Variants in PPM1D observed in about 807,000 individuals in gnomAD.
PPM1D encodes the protein protein phosphatase 1D.
Under a neutral mutation model 58.3 loss-of-function variants are expected in PPM1D, and 52 were observed. That is an observed-to-expected ratio of 0.89 (90% confidence interval 0.71 to 1.12). PPM1D has a LOEUF of 1.12. Among genes scored for constraint, PPM1D ranks in the 50% most tolerant of loss-of-function variants. The pLI is 0.00. For synonymous variants in PPM1D, 278 were observed against 285.1 expected, an observed-to-expected ratio of 0.98 and a Z score of 0.25; for missense variants, 564 against 777.2, an observed-to-expected ratio of 0.73 and a Z score of 3.26.
At chr17:60,613,912 G>A (rs1275691490) in intron 1 of PPM1D, among the ~76,000 whole-genome samples, 4 of 61,324 alleles carry the variant, frequency 6.5e-5, no homozygotes, top group South Asian at 5.7e-4. Context: ...CCACCCCCCC[G>A]CCTCACACAG....
chr17:60,652,064 T>C (rs2031353258), intron 4 of PPM1D, among the ~76,000 whole-genome samples: 2 of 152,210 alleles, frequency 1.3e-5, no homozygotes, highest in Admixed American at 6.5e-5. Flanking sequence ...ATATGACATT[T>C]ACTATTTGTA....
In PPM1D at chr17:60,643,151, G is replaced by C. The variant is rs143174410; in HGVS notation, c.827-4741G>C. Among the ~76,000 whole-genome samples the C allele has an allele frequency of 1.0e-2, 1,515 of 152,186 alleles. 16 individuals carry two copies. The highest frequency in any genetic ancestry group is 0.032 in the African/African-American group (1,337 of 41,506). On this transcript the variant is annotated intron_variant, in intron 3 of 5. Transcript: ENST00000305921. ...TCCTAGCACTTTGGGAGGCCGAGGTGGGTGGATCGCTTGAGCTCAGGAGTT... is the reference window on the plus strand; with the variant it reads ...TCCTAGCACTTTGGGAGGCCGAGGTCGGTGGATCGCTTGAGCTCAGGAGTT...
intron 1 of PPM1D, among the ~76,000 whole-genome samples, chr17:60,609,220 A>G (rs980851223): frequency 6.6e-6 from 1 of 151,584 alleles, no homozygotes; most frequent in Non-Finnish European, 1.5e-5. Flanking sequence ...CAGCCTCCCC[A>G]GTAGCTGGAA....
At chr17:60,634,913 TG>T (rs2030994729) in intron 3 of PPM1D, among the ~76,000 whole-genome samples, 2 of 152,134 alleles carry the variant, frequency 1.3e-5, no homozygotes, top group South Asian at 4.1e-4. Flanking sequence ...CCCGAGTAAC[TG>T]GGACTACAGG....
intron 3 of PPM1D, among the ~76,000 whole-genome samples, chr17:60,638,668 C>T (rs1209997030): frequency 1.3e-5 from 2 of 152,080 alleles, no homozygotes; most frequent in Non-Finnish European, 2.9e-5. Context: ...CGCGACCGAC[C>T]GGCCTGGAAA....
rs535361227 is a variant in PPM1D, at chr17:60,661,645, T to C, written c.1261-1350T>C. ...GTGCCTTGGATAATTCTCATTTGTT[T>C]TCATCAATTGGGAATTTCCCTAACC... On this transcript the variant is annotated intron_variant, in intron 5 of 5. Coordinates refer to ENST00000305921, the MANE Select transcript of PPM1D (RefSeq NM_003620.4). Among the ~76,000 whole-genome samples the C allele has an allele frequency of 1.3e-3, 200 of 152,276 alleles. 1 individual carries two copies. The highest frequency in any genetic ancestry group is 4.7e-3 in the African/African-American group (194 of 41,554).
At chr17:60,613,890 G>GCCCCCCCCCCCCCCCCCC (rs61669650) in intron 1 of PPM1D, among the ~76,000 whole-genome samples, 1 of 137,368 alleles carries the variant, frequency 7.3e-6, no homozygotes, top group African/African-American at 2.9e-5. Flanking sequence ...CATACCTGAG[G>GCCCCCCCCCCCCCCCCCC]CCCCCCCCCC....
At chr17:60,638,982 G>A (rs1261987452) in intron 3 of PPM1D, among the ~76,000 whole-genome samples, 5 of 152,068 alleles carry the variant, frequency 3.3e-5, no homozygotes, top group African/African-American at 1.2e-4. Flanking sequence ...TATTCACTGG[G>A]GAGATAATTT....
chr17:60,646,266 C>G (rs1320693196), intron 3 of PPM1D, among the ~76,000 whole-genome samples: 2 of 152,132 alleles, frequency 1.3e-5, no homozygotes, highest in East Asian at 1.9e-4. Context: ...TTTGAAGAGT[C>G]TGGTTAGCAA....
intron 4 of PPM1D, among the ~76,000 whole-genome samples, chr17:60,653,204 A>T (rs761797372): frequency 2.0e-5 from 3 of 152,208 alleles, no homozygotes; most frequent in Non-Finnish European, 4.4e-5. Flanking sequence ...CTTAGATTTA[A>T]GTCATTAATC....
chr17:60,611,910 T>C (rs939130183), intron 1 of PPM1D, among the ~76,000 whole-genome samples: 13 of 152,112 alleles, frequency 8.5e-5, no homozygotes, highest in African/African-American at 3.1e-4. Flanking sequence ...TTCTAAGAGG[T>C]ATACAGCTCT....
intron 3 of PPM1D, among the ~76,000 whole-genome samples, chr17:60,638,256 CTT>C (rs1317134569): frequency 1.3e-5 from 2 of 152,232 alleles, no homozygotes; most frequent in Middle Eastern, 3.4e-3. Context: ...CTTGATTTCT[CTT>C]GTCACATAAA....
At chr17:60,634,279 A>G (rs1356627612) in intron 3 of PPM1D, among the ~76,000 whole-genome samples, 1 of 152,070 alleles carries the variant, frequency 6.6e-6, no homozygotes, top group Non-Finnish European at 1.5e-5. Context: ...GGGCATAGTG[A>G]TGTGTAGCTG....
At chr17:60,644,133 C>T (rs2031192067) in intron 3 of PPM1D, among the ~76,000 whole-genome samples, 1 of 151,946 alleles carries the variant, frequency 6.6e-6, no homozygotes, top group Non-Finnish European at 1.5e-5. Context: ...CCTGCCTCGG[C>T]CTCCCAAAGT....
Position 60,600,228 on chromosome 17 carries a change from C to A in PPM1D, c.-187C>A. On this transcript the variant is annotated 5_prime_UTR_variant, in exon 1 of 6. Coordinates refer to ENST00000305921, the MANE Select transcript of PPM1D (RefSeq NM_003620.4). Reference sequence around the variant, plus strand: ...CGCAACTGCCTGGCTCTGCTCGCTCCGGCGCTCCGGCCCAGCTCTCGCGGA... The same window carrying A: ...CGCAACTGCCTGGCTCTGCTCGCTCAGGCGCTCCGGCCCAGCTCTCGCGGA... 1 of 1,210,322 alleles carries A rather than the reference C, an allele frequency of 8.3e-7. No individual in the cohort carries two copies. Among genetic ancestry groups the A allele is most frequent in the South Asian group, 1.6e-5 (1 of 62,634 alleles). 75.0% of individuals were successfully genotyped at this position (1,210,322 alleles called of 1,614,324 possible). A position where few individuals can be genotyped will look rare whatever the true frequency, so the allele number is the denominator to read the frequency against.
chr17:60,608,971 TCTC>T (rs1316719788), intron 1 of PPM1D, among the ~76,000 whole-genome samples: 11 of 150,570 alleles, frequency 7.3e-5, no homozygotes, highest in Non-Finnish European at 1.2e-4. Context: ...ATGGTCTCGA[TCTC>T]CTGACCTCGT....
At chr17:60,602,013 A>G (rs1406300808) in intron 1 of PPM1D, among the ~76,000 whole-genome samples, 1 of 152,258 alleles carries the variant, frequency 6.6e-6, no homozygotes, top group Non-Finnish European at 1.5e-5. Flanking sequence ...TAGCAAATAC[A>G]GAACATTTTT....
At chr17:60,623,475 T>G (rs769031084) in intron 1 of PPM1D, 46 bp from the exon 2 acceptor site, 26 of 1,545,306 alleles carry the variant, frequency 1.7e-5, no homozygotes, top group Middle Eastern at 1.7e-4. Context: ...GACAGTGTAT[T>G]AATGTTTATA....
chr17:60,658,808 A>G (rs2031483135), intron 5 of PPM1D, among the ~76,000 whole-genome samples: 1 of 151,282 alleles, frequency 6.6e-6, no homozygotes, highest in Non-Finnish European at 1.5e-5. Context: ...CTAAAATACA[A>G]AAAATTAGCT....
Sources: gnomAD v4.1 joint callset for allele counts (sites outside exome capture counted in the v4.1 genomes callset) on GRCh38, gnomAD v4.1.1 for gene constraint, MANE v1.5 for transcripts, NCBI Gene and HGNC (gene_info 2026-07-23, HGNC 2026-07-21) for gene names.